The following DPYD variants were observed in gnomAD, a reference collection of about 807,000 sequenced individuals.
DPYD encodes dihydropyrimidine dehydrogenase.
A neutral mutation model predicts 116.2 loss-of-function variants in DPYD; 109 were observed. The ratio of observed to expected loss-of-function variants is 0.94; its 90% CI spans 0.80 to 1.10. The LOEUF (loss-of-function observed/expected upper bound fraction) is 1.10, where lower values mean the gene tolerates loss of function less well. Ranked by LOEUF, DPYD falls within the 50% of genes least tolerant of loss-of-function variation. The pLI is 0.00. For missense variants in DPYD, 1,302 were observed against 1,254.5 expected, an observed-to-expected ratio of 1.04 and a Z score of -0.57; for synonymous variants, 440 against 432.0, an observed-to-expected ratio of 1.02 and a Z score of -0.23.
chr1:97,164,680 G>A (rs1656184402), intron 20 of DPYD, among the ~76,000 whole-genome samples: 1 of 152,040 alleles, frequency 6.6e-6, no homozygotes, highest in South Asian at 2.1e-4. Flanking sequence ...ATTCACAATT[G>A]TCACAAAAAG....
At position 97,855,992 on chromosome 1, in the gene DPYD, T is replaced by C. The variant is rs1006537742; in HGVS notation, c.150+27272A>G. On this transcript the variant is annotated intron_variant, in intron 2 of 22. Transcript: ENST00000370192. ...AGACGACGACATGGATGCTAAGAAC[T>C]TGGATATAAAAATGCAACAGAAACG... 2.0e-5 allele frequency: 3 copies of C among 152,198 alleles called. No homozygotes were observed. The South Asian group carries it at 6.2e-4, about 31-fold the overall frequency. 9.4% of individuals were successfully genotyped at this position (152,198 alleles called of 1,614,324 possible).
intron 10 of DPYD, among the ~76,000 whole-genome samples, chr1:97,583,130 C>G (rs750634824): frequency 1.3e-5 from 2 of 151,826 alleles, no homozygotes. Context: ...CACCACACCC[C>G]GCTAATTTTT....
intron 13 of DPYD, among the ~76,000 whole-genome samples, chr1:97,505,572 C>T (rs1355910975): frequency 6.6e-6 from 1 of 151,498 alleles, no homozygotes; most frequent in Non-Finnish European, 1.5e-5. Context: ...TCTAAGAATT[C>T]CTGTGGCCTT....
At chr1:97,453,264 C>T (rs1263111858) in intron 13 of DPYD, among the ~76,000 whole-genome samples, 1 of 152,006 alleles carries the variant, frequency 6.6e-6, no homozygotes, top group Admixed American at 6.6e-5. Context: ...TAGAATGCCC[C>T]CATTCAGATA....
chr1:97,749,444 T>C (rs1294458981), intron 3 of DPYD, among the ~76,000 whole-genome samples: 1 of 152,220 alleles, frequency 6.6e-6, no homozygotes, highest in African/African-American at 2.4e-5. Context: ...TACTCCCATA[T>C]ATGAATTTCC....
chr1:97,414,948 T>C (rs1221997913), intron 14 of DPYD, among the ~76,000 whole-genome samples: 2 of 152,228 alleles, frequency 1.3e-5, no homozygotes, highest in Non-Finnish European at 2.9e-5. Context: ...TCATTCTTTT[T>C]TTAAAAAACT....
intron 4 of DPYD, among the ~76,000 whole-genome samples, chr1:97,736,686 C>T (rs1011820121): frequency 2.0e-5 from 3 of 152,204 alleles, no homozygotes; most frequent in Admixed American, 1.3e-4. Context: ...ACCCATAATA[C>T]ATAGGCCAAA....
At chr1:97,527,967 A>T (rs1649280732) in intron 12 of DPYD, among the ~76,000 whole-genome samples, 1 of 152,164 alleles carries the variant, frequency 6.6e-6, no homozygotes, top group South Asian at 2.1e-4. Flanking sequence ...GATATGCTAC[A>T]ACGGGCCCTA....
At chr1:97,553,247 C>T (rs568214318) in intron 11 of DPYD, among the ~76,000 whole-genome samples, 1 of 151,972 alleles carries the variant, frequency 6.6e-6, no homozygotes, top group South Asian at 2.1e-4. Context: ...AAATACCTTT[C>T]CTAATTTCAA....
intron 20 of DPYD, among the ~76,000 whole-genome samples, chr1:97,113,938 CTAAA>C (rs1009788503): frequency 6.6e-6 from 1 of 152,016 alleles, no homozygotes; most frequent in Non-Finnish European, 1.5e-5. Context: ...ATTGTGTTTT[CTAAA>C]TACTTACTGG....
At chr1:97,347,383 T>C (rs1669913682) in intron 16 of DPYD, among the ~76,000 whole-genome samples, 1 of 152,038 alleles carries the variant, frequency 6.6e-6, no homozygotes, top group African/African-American at 2.4e-5. Context: ...GAGATGATCA[T>C]ATAATTTTTC....
chr1:97,610,896 G>A (rs545901088), intron 8 of DPYD, among the ~76,000 whole-genome samples: 15 of 152,040 alleles, frequency 9.9e-5, no homozygotes, highest in African/African-American at 3.4e-4. Flanking sequence ...AAGTAACCGT[G>A]ATGTCAGAAA....
chr1:97,672,239 T>A (rs976656832), intron 8 of DPYD, among the ~76,000 whole-genome samples: 1 of 152,194 alleles, frequency 6.6e-6, no homozygotes, highest in African/African-American at 2.4e-5. Flanking sequence ...AGGTTCCTTT[T>A]CTTCCTCAAT....
At chr1:97,257,192 CAT>C (rs1444997409) in intron 18 of DPYD, among the ~76,000 whole-genome samples, 1 of 151,294 alleles carries the variant, frequency 6.6e-6, no homozygotes, top group African/African-American at 2.4e-5. Context: ...AAAAAAGTGA[CAT>C]AATTAAAAAA....
intron 21 of DPYD, among the ~76,000 whole-genome samples, chr1:97,086,722 ATTG>A (rs1649545694): frequency 6.7e-6 from 1 of 148,468 alleles, no homozygotes; most frequent in Admixed American, 6.8e-5. Flanking sequence ...AAGATGAACC[ATTG>A]TTAAGTTCTT....
chr1:97,164,669 C>T (rs1264171678), intron 20 of DPYD, among the ~76,000 whole-genome samples: 1 of 152,098 alleles, frequency 6.6e-6, no homozygotes, highest in Non-Finnish European at 1.5e-5. Flanking sequence ...AAGGCAATCC[C>T]ATTCACAATT....
chr1:97,818,016 T>C (rs1668720281), intron 3 of DPYD, among the ~76,000 whole-genome samples: 1 of 152,046 alleles, frequency 6.6e-6, no homozygotes, highest in South Asian at 2.1e-4. Flanking sequence ...GCTGCATCCC[T>C]TCTTTCCTAG....
At chr1:97,124,437 C>T (rs1195940181) in intron 20 of DPYD, among the ~76,000 whole-genome samples, 2 of 152,052 alleles carry the variant, frequency 1.3e-5, no homozygotes, top group Non-Finnish European at 2.9e-5. Context: ...ACATGGAGAG[C>T]TACAGTTACC....
chr1:97,370,357 T>G (rs1671252963), intron 16 of DPYD, among the ~76,000 whole-genome samples: 4 of 152,154 alleles, frequency 2.6e-5, no homozygotes, highest in African/African-American at 9.6e-5. Flanking sequence ...AAATGGGAGT[T>G]GAACAACAAG....
Sources: gnomAD v4.1 joint callset for allele counts (sites outside exome capture counted in the v4.1 genomes callset) on GRCh38, gnomAD v4.1.1 for gene constraint, MANE v1.5 for transcripts, NCBI Gene and HGNC (gene_info 2026-07-23, HGNC 2026-07-21) for gene names.